The following MICAL3 variants were observed in gnomAD, a reference collection of about 807,000 sequenced individuals.
MICAL3 encodes microtubule associated monooxygenase, calponin and LIM domain containing 3, also known as [F-actin]-monooxygenase MICAL3.
Under a neutral mutation model 207.4 loss-of-function variants are expected in MICAL3, and 62 were observed. That is an observed-to-expected ratio of 0.30 (90% CI 0.24 to 0.37). The LOEUF is 0.37. Ranked by LOEUF, MICAL3 falls within the 10% of genes least tolerant of loss-of-function variation. The pLI is 1.00. For synonymous variants in MICAL3, 1,077 were observed against 1,069.3 expected (o/e 1.01, Z -0.14); for missense variants, 2,368 against 2,635.6 (o/e 0.90, Z 2.22).
chr22:18,007,198 ATT>A, intron 1 of MICAL3: 1 of 152,236 alleles, frequency 6.6e-6, no homozygotes, highest in African/African-American at 2.4e-5. Flanking sequence ...TTGTAAAAGA[ATT>A]TTTTAAATAA....
chr22:17,980,650 G>C (rs774680920), intron 1 of MICAL3, among the ~76,000 whole-genome samples: 1 of 152,244 alleles, frequency 6.6e-6, no homozygotes, highest in Non-Finnish European at 1.5e-5. Context: ...AAAGGAGGCA[G>C]AATCCTCAGG....
intron 19 of MICAL3, chr22:17,863,588 T>G (rs1926748211): frequency 1.0e-6 from 1 of 985,492 alleles, no homozygotes; most frequent in Non-Finnish European, 1.2e-6. Flanking sequence ...TGGTCCCACC[T>G]GCAGGGTACT....
At chr22:17,891,717 C>G (rs1304732379) in intron 11 of MICAL3, 85 bp from the exon 12 acceptor site, 1 of 1,367,364 alleles carries the variant, frequency 7.3e-7, no homozygotes, top group Non-Finnish European at 1.0e-6. Flanking sequence ...CACATGTCCC[C>G]TTTGAAAAAT....
chr22:17,936,239 T>G, intron 1 of MICAL3, among the ~76,000 whole-genome samples: 1 of 152,110 alleles, frequency 6.6e-6, no homozygotes, highest in East Asian at 1.9e-4. Context: ...CGGAATACTA[T>G]GCAGCCATAA....
At chr22:17,895,062 G>GTTTGATT (rs1930712950) in intron 10 of MICAL3, among the ~76,000 whole-genome samples, 1 of 152,202 alleles carries the variant, frequency 6.6e-6, no homozygotes, top group Non-Finnish European at 1.5e-5. Flanking sequence ...TTCCTATCAT[G>GTTTGATT]TTTGATTTTC....
intron 1 of MICAL3, among the ~76,000 whole-genome samples, chr22:17,953,100 G>A (rs1934428475): frequency 6.6e-6 from 1 of 152,146 alleles, no homozygotes; most frequent in Admixed American, 6.5e-5. Context: ...CTCCAGCCCT[G>A]CACACGCAGT....
intron 20 of MICAL3, among the ~76,000 whole-genome samples, chr22:17,837,785 T>C (rs1923559258): frequency 1.3e-5 from 2 of 152,244 alleles, no homozygotes; most frequent in African/African-American, 4.8e-5. Context: ...TGTTGGACAC[T>C]GACATTCCTG....
At chr22:17,946,290 C>T (rs914692566) in intron 1 of MICAL3, among the ~76,000 whole-genome samples, 6 of 151,990 alleles carry the variant, frequency 3.9e-5, no homozygotes, top group Admixed American at 6.6e-5. Context: ...AAAAAGAGAA[C>T]AAAAGCTGCC....
At chr22:17,961,798 A>C (rs1934925269) in intron 1 of MICAL3, among the ~76,000 whole-genome samples, 1 of 151,674 alleles carries the variant, frequency 6.6e-6, no homozygotes, top group Non-Finnish European at 1.5e-5. Context: ...AGGCAGGCCC[A>C]CCCCACCCCA....
rs372980873 is a variant in MICAL3, at chr22:17,879,607, C to T, written c.2241+6271G>A. Among the ~76,000 whole-genome samples the T allele has an allele frequency of 5.3e-5, 8 of 152,324 alleles. No homozygotes were observed. In the South Asian group the frequency reaches 6.2e-4, roughly 12 times the overall value. On this transcript the variant is annotated intron_variant, in intron 16 of 31. Transcript: ENST00000441493. ...ACTTTCTGCACAGCCATTCCACCCC[C>T]CACTGGCCTCCGACGAGGCCAGCTA...
At position 17,822,976 on chromosome 22, in the gene MICAL3, G is replaced by A. The variant is rs568990780; in HGVS notation, c.3278C>T (p.Pro1093Leu). The change falls in exon 23 of 32, where the codon CCA (proline) becomes CTA (leucine). Residue 1093 changes from proline (P) to leucine (L), a missense_variant. By Grantham distance (98) the Pro-to-Leu change is moderately conservative (BLOSUM62 -3). This residue lies in a region of MICAL3 where 1,770 missense variants were observed against 1,863.2 expected (regional missense o/e 0.95). Transcript: ENST00000441493. The stretch of plus-strand genomic sequence containing the variant: ...ATCCAGCTCAGCACCAGTGTCCCCT[G>A]GGTCCCCATCCTCTGCTGCCTCCCC... The part of the protein sequence containing the change: ...IEGEAAEDGD[P>L]GDTGAELDDD... The A allele has an allele frequency of 1.4e-5, 23 of 1,613,390 alleles. No individual in the cohort carries two copies. In the South Asian group the frequency reaches 2.3e-4, roughly 16 times the overall value.
At chr22:17,856,608 CTTTTTT>C (rs57588188) in intron 19 of MICAL3, among the ~76,000 whole-genome samples, 1,067 of 94,884 alleles carry the variant, frequency 0.011, 12 homozygotes, top group African/African-American at 0.042. Context: ...AAAATGTTTA[CTTTTTT>C]TTTTTTTTTT....
intron 16 of MICAL3, among the ~76,000 whole-genome samples, chr22:17,878,691 A>G (rs1368120347): frequency 6.6e-6 from 1 of 152,178 alleles, no homozygotes. Context: ...AACAAGAACA[A>G]AAGTTTCATA....
intron 16 of MICAL3, among the ~76,000 whole-genome samples, chr22:17,885,349 G>T (rs575389557): frequency 8.5e-5 from 13 of 152,242 alleles, no homozygotes; most frequent in Middle Eastern, 3.4e-3. Flanking sequence ...ATTCCAAAAG[G>T]TGCTTGTAAA....
chr22:17,860,785 C>A, intron 19 of MICAL3: 1 of 984,286 alleles, frequency 1.0e-6, no homozygotes, highest in East Asian at 1.1e-4. Flanking sequence ...CACCCACTCA[C>A]CTCCTTACAG....
rs868571717 is a variant in MICAL3, at chr22:17,888,693, G to A, written c.1891+341C>T. The stretch of plus-strand genomic sequence containing the variant: ...TATAACCCGTTACAAAGTTTGGGCC[G>A]TGCAGAAGCAGAGGCCACAAGCACA... On this transcript the variant is annotated intron_variant, in intron 13 of 31. Coordinates refer to ENST00000441493, the MANE Select transcript of MICAL3 (RefSeq NM_015241.3). 7.2e-5 allele frequency among the ~76,000 whole-genome samples: 11 copies of A among 152,288 alleles called. No individual in the cohort carries two copies. The East Asian group carries it at 1.5e-3, about 21-fold the overall frequency.
At chr22:17,876,838 GGGAGGTT>G (rs1928511858) in intron 16 of MICAL3, 3 of 58,950 alleles carry the variant, frequency 5.1e-5, no homozygotes, top group East Asian at 4.8e-4. Flanking sequence ...ATGGAGGTTA[GGGAGGTT>G]AGGGAGGTTA....
chr22:17,796,391 C>T lies in MICAL3; in HGVS notation c.5651-5090G>A, dbSNP rs1437470871. ...TCCAGAGCAGCGCATGAGATGGGCA[C>T]GGATGGCACTCTCCGGCTTCAGGGC... On this transcript the variant is annotated intron_variant, in intron 29 of 31. Transcript: ENST00000441493. This position sits in a 1 kb window ranked among gnomAD's most constrained non-coding sequence, Gnocchi z 4.4. Among the ~76,000 whole-genome samples the T allele has an allele frequency of 3.3e-5, 5 of 152,360 alleles. No individual in the cohort carries two copies. The highest frequency in any genetic ancestry group is 6.5e-5 in the Admixed American group (1 of 15,310).
rs115325382 is a variant in MICAL3, at chr22:17,887,416, G to C, written c.1911C>G (p.Ala637=). ...LPSSDTLDLN[A]EEKAVLIAST... The stretch of plus-strand genomic sequence containing the variant: ...TGGCTATCAGGACTGCTTTCTCCTC[G>C]GCATTTAGGTCCAAGGTGTCTGGGA... The change falls in exon 14 of 32, where the codon GCC becomes GCG. Residue 637 remains alanine, a synonymous_variant. Transcript: ENST00000441493. The C allele has an allele frequency of 6.2e-7, 1 of 1,613,388 alleles. No individual in the cohort carries two copies. Among genetic ancestry groups the C allele is most frequent in the African/African-American group, 1.3e-5 (1 of 74,992 alleles).
Sources: allele counts gnomAD v4.1 joint callset (sites outside exome capture counted in the v4.1 genomes callset), GRCh38; gene constraint gnomAD v4.1.1; regional missense constraint gnomAD v4.1.1; non-coding constraint Gnocchi (gnomAD v3.1); transcripts MANE v1.5; gene names NCBI Gene and HGNC (gene_info 2026-07-23, HGNC 2026-07-21).